CAPN9: variants seen among roughly 807,000 people sequenced by gnomAD.
CAPN9 encodes calpain 9, also known as calpain-9.
A neutral mutation model predicts 92.8 loss-of-function variants in CAPN9; 81 were observed. The ratio of observed to expected loss-of-function variants is 0.87; its 90% confidence interval spans 0.73 to 1.05. The LOEUF is 1.05. Ranked by LOEUF, CAPN9 falls within the 50% of genes least tolerant of loss-of-function variation. CAPN9 has a pLI of 0.00. For synonymous variants in CAPN9, 304 were observed against 328.0 expected (o/e 0.93, Z 0.79); for missense variants, 848 against 866.2 (o/e 0.98, Z 0.26).
intron 2 of CAPN9, 64 bp from the exon 3 acceptor site, chr1:230,759,448 C>T: frequency 8.4e-7 from 1 of 1,187,168 alleles, no homozygotes; most frequent in Non-Finnish European, 1.2e-6. Flanking sequence ...CCTTCTGACA[C>T]AGAGTTTTCC....
At chr1:230,797,860 T>C (rs539467246) in intron 18 of CAPN9, among the ~76,000 whole-genome samples, 7 of 152,194 alleles carry the variant, frequency 4.6e-5, no homozygotes, top group Non-Finnish European at 8.8e-5. Context: ...TCAAGGGCCC[T>C]GTACCCCCCA....
Position 230,801,851 on chromosome 1 carries a change from A to G in CAPN9, c.*255A>G, listed in dbSNP as rs1668742055. 5.6e-6 allele frequency: 3 copies of G among 538,724 alleles called. No homozygotes were observed. The highest frequency in any genetic ancestry group is 2.9e-5 in the East Asian group (1 of 34,916). 33.4% of individuals were successfully genotyped at this position (538,724 alleles called of 1,614,324 possible). A position where few individuals can be genotyped will look rare whatever the true frequency, so the allele number is the denominator to read the frequency against. ...CTGTGCCTTACATCCAGGTTCAGGC[A>G]TCACTAGCTTTCCCACACTCTACTT... On this transcript the variant is annotated 3_prime_UTR_variant, in exon 20 of 20. Coordinates refer to ENST00000271971, the MANE Select transcript of CAPN9 (RefSeq NM_006615.3).
intron 4 of CAPN9, 131 bp downstream of exon 4, chr1:230,762,917 C>T (rs1197566345): frequency 2.1e-6 from 2 of 945,850 alleles, no homozygotes; most frequent in Non-Finnish European, 3.0e-6. Flanking sequence ...CAGGACCCAA[C>T]CCTCTCAGGG....
chr1:230,769,085 AGGTTGTGACCGGGCCAGGCATGTAGCTG>A, intron 5 of CAPN9, 67 bp from the exon 6 acceptor site: 1 of 938,024 alleles, frequency 1.1e-6, no homozygotes, highest in Non-Finnish European at 1.7e-6. Context: ...AAGGGGCTGG[AGGTTGTGACCGGGCCAGGCATGTAGCTG>A]GGTCTGATCC....
chr1:230,773,908 A>G (rs893336354), intron 7 of CAPN9, among the ~76,000 whole-genome samples: 1 of 152,118 alleles, frequency 6.6e-6, no homozygotes, highest in African/African-American at 2.4e-5. Context: ...CAGAAAATGC[A>G]ATGAACTTGG....
chr1:230,782,445 TC>T (rs1474106198), intron 11 of CAPN9, among the ~76,000 whole-genome samples: 1 of 152,250 alleles, frequency 6.6e-6, no homozygotes, highest in Non-Finnish European at 1.5e-5. Flanking sequence ...TATCAGTTTT[TC>T]TTTGAGAGCC....
intron 8 of CAPN9, among the ~76,000 whole-genome samples, chr1:230,775,329 GA>G (rs780962009): frequency 5.3e-5 from 8 of 152,154 alleles, no homozygotes; most frequent in Non-Finnish European, 1.0e-4. Flanking sequence ...ATCTTGATGA[GA>G]GGTACCTTTG....
chr1:230,756,270 C>G (rs1196639874), intron 2 of CAPN9, among the ~76,000 whole-genome samples: 3 of 151,498 alleles, frequency 2.0e-5, no homozygotes, highest in Non-Finnish European at 2.9e-5. Context: ...CAAACCTAGA[C>G]TGATGTTAGT....
intron 4 of CAPN9, among the ~76,000 whole-genome samples, chr1:230,763,587 GA>G (rs570879812): frequency 1.0e-3 from 152 of 152,274 alleles, no homozygotes; most frequent in Non-Finnish European, 6.8e-4. Context: ...ACAACAGCCT[GA>G]ATTTGATCCA....
Position 230,786,035 on chromosome 1 carries a change from G to A in CAPN9, c.1518+18G>A. On this transcript the variant is annotated intron_variant, in intron 12 of 19. Transcript: ENST00000271971. ...TTCCTGAGGTGAGTCTTCTGATGTT[G>A]CTATGGAGTATGGGATTCAGGTGAT... The A allele has an allele frequency of 6.2e-7, 1 of 1,613,310 alleles. No homozygotes were observed. Among genetic ancestry groups the A allele is most frequent in the South Asian group, 1.1e-5 (1 of 91,060 alleles).
chr1:230,750,152 C>T (rs574851018), intron 1 of CAPN9, among the ~76,000 whole-genome samples: 1 of 152,154 alleles, frequency 6.6e-6, no homozygotes, highest in Middle Eastern at 3.2e-3. Context: ...CTGGGTGAGG[C>T]CTTCATCCAC....
At chr1:230,786,510 A>G (rs189322141) in intron 12 of CAPN9, among the ~76,000 whole-genome samples, 1 of 152,342 alleles carries the variant, frequency 6.6e-6, no homozygotes, top group East Asian at 1.9e-4. Flanking sequence ...CTGATGTTGG[A>G]CAGGCAGTTG....
intron 3 of CAPN9, among the ~76,000 whole-genome samples, chr1:230,759,926 G>A (rs1665528093): frequency 6.6e-6 from 1 of 152,164 alleles, no homozygotes; most frequent in African/African-American, 2.4e-5. Flanking sequence ...AATTTCTTGT[G>A]CTTTAAGCAC....
chr1:230,792,336 C>T, intron 15 of CAPN9, 90 bp from the exon 16 acceptor site: 2 of 1,086,718 alleles, frequency 1.8e-6, no homozygotes, highest in Non-Finnish European at 2.8e-6. Context: ...AGCCCATCGG[C>T]CCTCCCCCTC....
Sources: allele counts gnomAD v4.1 joint callset (sites outside exome capture counted in the v4.1 genomes callset), GRCh38; gene constraint gnomAD v4.1.1; transcripts MANE v1.5; gene names NCBI Gene and HGNC (gene_info 2026-07-23, HGNC 2026-07-21).